Variants in RUNX2 observed in about 807,000 individuals in gnomAD.
The protein encoded by RUNX2 is runt-related transcription factor 2.
RUNX2 carries 10 observed loss-of-function variants against 51.7 expected under a neutral mutation model. The ratio of observed to expected loss-of-function variants is 0.19; its 90% CI spans 0.12 to 0.33. The LOEUF (loss-of-function observed/expected upper bound fraction) is 0.33, where lower values mean the gene tolerates loss of function less well. RUNX2 is among the 10% of genes least tolerant of loss of function. RUNX2 has a pLI of 1.00. For missense variants in RUNX2, 562 were observed against 691.3 expected, an observed-to-expected ratio of 0.81 and a Z score of 2.10; for synonymous variants, 276 against 273.6, an observed-to-expected ratio of 1.01 and a Z score of -0.09.
intron 2 of RUNX2, among the ~76,000 whole-genome samples, chr6:45,410,187 C>T (rs1349241451): frequency 3.9e-5 from 6 of 152,014 alleles, no homozygotes; most frequent in South Asian, 4.1e-4. Flanking sequence ...ACAAAATGAA[C>T]GAAATTGTAT....
chr6:45,355,509 G>A (rs1448760933), intron 2 of RUNX2, among the ~76,000 whole-genome samples: 2 of 152,064 alleles, frequency 1.3e-5, no homozygotes, highest in Non-Finnish European at 2.9e-5. Flanking sequence ...AATACAGAAA[G>A]AAGTGAACCA....
chr6:45,547,366 CAT>C lies in RUNX2; in HGVS notation c.*67_*68del, dbSNP rs1802434440. ...CACATCCCACACGTATCAATATATACATATATAGAGAGAGTGCATATATATGT... is the reference window on the plus strand; with the variant it reads ...CACATCCCACACGTATCAATATATACATATAGAGAGAGTGCATATATATGT... On this transcript the variant is annotated 3_prime_UTR_variant, in exon 9 of 9. Transcript: ENST00000647337. 1 of 1,251,768 alleles carries C rather than the reference CAT, an allele frequency of 8.0e-7. No individual in the cohort carries two copies. Among genetic ancestry groups the C allele is most frequent in the Non-Finnish European group, 1.2e-6 (1 of 852,928 alleles). The allele number at this position is 1,251,768 out of a possible 1,614,324, so 77.5% of individuals were successfully genotyped here.
chr6:45,347,071 C>G (rs1791035709), intron 2 of RUNX2, among the ~76,000 whole-genome samples: 1 of 152,050 alleles, frequency 6.6e-6, no homozygotes, highest in South Asian at 2.1e-4. Context: ...AAATTGAACA[C>G]ATTTTAAATA....
At chr6:45,366,321 G>C (rs1224528287) in intron 2 of RUNX2, among the ~76,000 whole-genome samples, 1 of 152,182 alleles carries the variant, frequency 6.6e-6, no homozygotes, top group Non-Finnish European at 1.5e-5. Context: ...CCTTTGCTAA[G>C]ACTTTGGGCA....
Position 45,405,105 on chromosome 6 carries a change from G to A in RUNX2, c.59-17488G>A, listed in dbSNP as rs112522132. Among the ~76,000 whole-genome samples the A allele has an allele frequency of 9.0e-3, 1,366 of 152,268 alleles. 13 individuals carry two copies. The highest frequency in any genetic ancestry group is 0.024 in the South Asian group (117 of 4,828). On this transcript the variant is annotated intron_variant, in intron 2 of 8. Coordinates refer to ENST00000647337, the MANE Select transcript of RUNX2 (RefSeq NM_001024630.4). ...TTTCCTTTTCATCCATGCAAATTCT[G>A]CAATGATTTAATAACTTGTTAATTC...
At position 45,529,703 on chromosome 6, in the gene RUNX2, G is replaced by A. The variant is rs142982722; in HGVS notation, c.1022-15514G>A. Among the ~76,000 whole-genome samples, 166 of 152,238 alleles carry A rather than the reference G, an allele frequency of 1.1e-3. 1 individual carries two copies. The highest frequency in any genetic ancestry group is 3.4e-3 in the Middle Eastern group (1 of 294). On this transcript the variant is annotated intron_variant, in intron 7 of 8. Transcript: ENST00000647337. ...GTGAATTTTCTCACTAGAGTCAGAAGCAGCAGATAACAGATAACAGCCCCT... is the reference window on the plus strand; with the variant it reads ...GTGAATTTTCTCACTAGAGTCAGAAACAGCAGATAACAGATAACAGCCCCT...
chr6:45,388,366 G>A (rs897641558), intron 2 of RUNX2, among the ~76,000 whole-genome samples: 1 of 152,218 alleles, frequency 6.6e-6, no homozygotes, highest in Non-Finnish European at 1.5e-5. Context: ...ATAGGACAGA[G>A]ATAACCAGAG....
In RUNX2 at chr6:45,445,077, T is replaced by G. The variant is rs377549361; in HGVS notation, c.685+7026T>G. 2.6e-5 allele frequency among the ~76,000 whole-genome samples: 4 copies of G among 152,268 alleles called. No individual in the cohort carries two copies. In the East Asian group the frequency reaches 5.8e-4, roughly 22 times the overall value. ...TCTTGCTCTGTCTCCCAGGCTGGAG[T>G]GCAGTGGCGGGATCTCGGCTCACTG... On this transcript the variant is annotated intron_variant, in intron 5 of 8. Transcript: ENST00000647337.
intron 2 of RUNX2, 87 bp downstream of exon 2, chr6:45,328,871 A>C: frequency 7.4e-7 from 1 of 1,349,764 alleles, no homozygotes; most frequent in Non-Finnish European, 1.1e-6. Context: ...TAGCTTTTCC[A>C]AATAGCATAT....
At chr6:45,527,154 G>T (rs1382293325) in intron 7 of RUNX2, among the ~76,000 whole-genome samples, 1 of 152,166 alleles carries the variant, frequency 6.6e-6, no homozygotes, top group Non-Finnish European at 1.5e-5. Flanking sequence ...GAGTGCAAGG[G>T]CCCAGAGGTG....
At chr6:45,475,153 T>A (rs1799920806) in intron 5 of RUNX2, among the ~76,000 whole-genome samples, 1 of 150,820 alleles carries the variant, frequency 6.6e-6, no homozygotes, top group Non-Finnish European at 1.5e-5. Context: ...AAGCTTAATC[T>A]GTTTTAGGAG....
intron 2 of RUNX2, among the ~76,000 whole-genome samples, chr6:45,346,214 T>C (rs1790825340): frequency 1.3e-5 from 2 of 152,136 alleles, no homozygotes; most frequent in South Asian, 4.1e-4. Context: ...ACTCTACTTA[T>C]GTATATATGT....
At chr6:45,383,416 A>C (rs1056790992) in intron 2 of RUNX2, among the ~76,000 whole-genome samples, 4 of 152,158 alleles carry the variant, frequency 2.6e-5, no homozygotes, top group African/African-American at 9.7e-5. Flanking sequence ...CAGCCTGGAC[A>C]ACAAAGCAAG....
intron 2 of RUNX2, among the ~76,000 whole-genome samples, chr6:45,358,281 T>C (rs1187611893): frequency 6.6e-6 from 1 of 152,218 alleles, no homozygotes; most frequent in Admixed American, 6.5e-5. Flanking sequence ...TTGCTAAGTT[T>C]ATGGCTAAAC....
At chr6:45,373,287 T>A (rs1305575406) in intron 2 of RUNX2, among the ~76,000 whole-genome samples, 7 of 151,976 alleles carry the variant, frequency 4.6e-5, no homozygotes, top group African/African-American at 1.7e-4. Context: ...CACTACCCAT[T>A]AACTATGGGC....
rs540506890 is a variant in RUNX2 at position 45,525,040 on chromosome 6, G to A, written c.1021+12633G>A. Among the ~76,000 whole-genome samples the A allele has an allele frequency of 3.9e-5, 6 of 152,306 alleles. No homozygotes were observed. The South Asian group carries it at 1.2e-3, about 32-fold the overall frequency. Reference sequence around the variant, plus strand: ...GCAGGAGAATTGCTTGAACCCGGGAGGTGGAGGTTGCAGTGAGCCAAGATT... The same window carrying A: ...GCAGGAGAATTGCTTGAACCCGGGAAGTGGAGGTTGCAGTGAGCCAAGATT... On this transcript the variant is annotated intron_variant, in intron 7 of 8. Coordinates refer to ENST00000647337, the MANE Select transcript of RUNX2 (RefSeq NM_001024630.4).
intron 2 of RUNX2, among the ~76,000 whole-genome samples, chr6:45,365,613 AAAT>A (rs1275214014): frequency 1.3e-5 from 2 of 149,414 alleles, no homozygotes; most frequent in Non-Finnish European, 3.0e-5. Context: ...TTGGTTTTCA[AAAT>A]GTGCTTCAGG....
At chr6:45,433,597 G>A (rs1234956441) in intron 4 of RUNX2, among the ~76,000 whole-genome samples, 1 of 151,538 alleles carries the variant, frequency 6.6e-6, no homozygotes, top group Non-Finnish European at 1.5e-5. Context: ...TCTTACTTTT[G>A]TATTATATAG....
At chr6:45,520,324 G>T (rs1212455902) in intron 7 of RUNX2, among the ~76,000 whole-genome samples, 1 of 151,940 alleles carries the variant, frequency 6.6e-6, no homozygotes, top group Non-Finnish European at 1.5e-5. Context: ...CTGTATCTTG[G>T]GTGCATTTTT....
Sources: gnomAD v4.1 joint callset for allele counts (sites outside exome capture counted in the v4.1 genomes callset) on GRCh38, gnomAD v4.1.1 for gene constraint, MANE v1.5 for transcripts, NCBI Gene and HGNC (gene_info 2026-07-23, HGNC 2026-07-21) for gene names.